The following ELL2 variants were observed in gnomAD, a reference collection of about 807,000 sequenced individuals.
The protein encoded by ELL2 is RNA polymerase II elongation factor ELL2.
A neutral mutation model predicts 72.8 loss-of-function variants in ELL2; 21 were observed. The ratio of observed to expected loss-of-function variants is 0.29; its 90% CI spans 0.20 to 0.42. The LOEUF (loss-of-function observed/expected upper bound fraction) is 0.42. ELL2 is among the 10% of genes least tolerant of loss of function. ELL2 has a pLI of 1.00. For synonymous variants in ELL2, 266 were observed against 283.2 expected (o/e 0.94, Z 0.61); for missense variants, 568 against 772.8 (o/e 0.73, Z 3.14).
chr5:95,928,168 G>T (rs552983317), intron 2 of ELL2, among the ~76,000 whole-genome samples: 1 of 152,074 alleles, frequency 6.6e-6, no homozygotes, highest in African/African-American at 2.4e-5. Flanking sequence ...AAGATATACA[G>T]ACTATGGAGC....
intron 5 of ELL2, among the ~76,000 whole-genome samples, chr5:95,905,876 G>T (rs1202432075): frequency 1.3e-5 from 2 of 151,840 alleles, no homozygotes; most frequent in African/African-American, 2.4e-5. Flanking sequence ...ATGACAGATG[G>T]ACAGAAGGAA....
At chr5:95,906,884 A>T in intron 4 of ELL2, 102 bp from the exon 5 acceptor site, 1 of 1,252,314 alleles carries the variant, frequency 8.0e-7, no homozygotes, top group Non-Finnish European at 1.1e-6. Flanking sequence ...TTTCTAGAGG[A>T]AATAATAATA....
chr5:95,898,209 T>C (rs1304398719), intron 8 of ELL2, 31 bp downstream of exon 8: 1 of 1,518,180 alleles, frequency 6.6e-7, no homozygotes, highest in Non-Finnish European at 8.9e-7. Flanking sequence ...CATGATAGCA[T>C]GCACTTCTGG....
intron 1 of ELL2, among the ~76,000 whole-genome samples, chr5:95,959,580 T>C (rs1035652227): frequency 2.6e-5 from 4 of 152,230 alleles, no homozygotes; most frequent in African/African-American, 9.6e-5. Flanking sequence ...CCACTCCGTC[T>C]GATGCTGGTC....
chr5:95,891,332 C>A lies in ELL2; in HGVS notation c.1590-58G>T, dbSNP rs562773439. The A allele has an allele frequency of 3.3e-6, 5 of 1,521,374 alleles. No individual in the cohort carries two copies. The South Asian group carries it at 5.1e-5, about 15-fold the overall frequency. The allele number at this position is 1,521,374 out of a possible 1,614,324, so 94.2% of individuals were successfully genotyped here. A position where few individuals can be genotyped will look rare whatever the true frequency, so the allele number is the denominator to read the frequency against. On this transcript the variant is annotated intron_variant, in intron 9 of 11. Transcript: ENST00000237853. ...ACCCAATAAACATGATTGCACAAGT[C>A]TGAGATTTAAACCAAATATTTAGAG...
In ELL2 at chr5:95,927,354, T is replaced by C. The variant is rs1026822683; in HGVS notation, c.196-7809A>G. ...GAATGGAATTGTTTCAGTATGTGTA[T>C]GTGTATATATAGACATACACACACA... is the stretch of plus-strand genomic sequence containing the variant. On this transcript the variant is annotated intron_variant, in intron 2 of 11. Coordinates refer to ENST00000237853, the MANE Select transcript of ELL2 (RefSeq NM_012081.6). Among the ~76,000 whole-genome samples, 8 of 142,750 alleles carry C rather than the reference T, an allele frequency of 5.6e-5. 1 individual carries two copies. Among genetic ancestry groups the C allele is most frequent in the Non-Finnish European group, 9.1e-5 (6 of 65,922 alleles). 93.6% of individuals were successfully genotyped at this position (142,750 alleles called of 152,430 possible).
At chr5:95,900,828 T>G (rs949401514) in intron 6 of ELL2, 48 bp from the exon 7 acceptor site, 3 of 1,568,410 alleles carry the variant, frequency 1.9e-6, no homozygotes, top group African/African-American at 1.4e-5. Flanking sequence ...TTTAAAAATG[T>G]TCATGATAGA....
chr5:95,892,459 CA>C (rs1186165657), intron 9 of ELL2, among the ~76,000 whole-genome samples: 1 of 152,158 alleles, frequency 6.6e-6, no homozygotes, highest in Non-Finnish European at 1.5e-5. Context: ...TTACATATTA[CA>C]GTATTACTTA....
chr5:95,892,629 G>T (rs930144730), intron 9 of ELL2, among the ~76,000 whole-genome samples: 1 of 152,084 alleles, frequency 6.6e-6, no homozygotes. Flanking sequence ...ATGCCCCTTG[G>T]GGGTACACAT....
chr5:95,895,166 C>G (rs1748819076), intron 9 of ELL2, among the ~76,000 whole-genome samples: 1 of 152,202 alleles, frequency 6.6e-6, no homozygotes, highest in Non-Finnish European at 1.5e-5. Flanking sequence ...CTCTTATCTC[C>G]TCTAAAAATT....
In ELL2 at chr5:95,915,924, C is replaced by T. The variant is rs115579759; in HGVS notation, c.318-1990G>A. Among the ~76,000 whole-genome samples, 302 of 151,742 alleles carry T rather than the reference C, an allele frequency of 2.0e-3. 1 individual carries two copies. Among genetic ancestry groups the T allele is most frequent in the African/African-American group, 6.8e-3 (282 of 41,330 alleles). On this transcript the variant is annotated intron_variant, in intron 3 of 11. Transcript: ENST00000237853. ...GTTTTGGACCTTATCCAAAGGATAA[C>T]GAGAGGCTGAAATCAGGGGAGAGAA...
intron 2 of ELL2, among the ~76,000 whole-genome samples, chr5:95,921,684 G>C (rs1421450056): frequency 1.3e-5 from 2 of 152,224 alleles, no homozygotes; most frequent in Non-Finnish European, 2.9e-5. Flanking sequence ...AAGGCTACCT[G>C]CATACTGGTA....
intron 9 of ELL2, among the ~76,000 whole-genome samples, chr5:95,895,180 T>TC (rs1748819884): frequency 6.6e-6 from 1 of 152,240 alleles, no homozygotes; most frequent in Non-Finnish European, 1.5e-5. Flanking sequence ...AAAAATTAAT[T>TC]TGAGGGCAGA....
At chr5:95,905,944 A>G (rs1749342427) in intron 5 of ELL2, among the ~76,000 whole-genome samples, 1 of 152,210 alleles carries the variant, frequency 6.6e-6, no homozygotes, top group Non-Finnish European at 1.5e-5. Flanking sequence ...TTAAAAAACA[A>G]TGGCCTACTT....
At chr5:95,950,926 A>G (rs1428591176) in intron 1 of ELL2, among the ~76,000 whole-genome samples, 11 of 120,256 alleles carry the variant, frequency 9.1e-5, no homozygotes, top group African/African-American at 2.9e-4. Context: ...ATATATATAT[A>G]TATATATATA....
intron 8 of ELL2, among the ~76,000 whole-genome samples, chr5:95,897,547 T>C (rs1748919843): frequency 6.6e-6 from 1 of 152,240 alleles, no homozygotes; most frequent in Non-Finnish European, 1.5e-5. Flanking sequence ...TTAAGTTTCT[T>C]TGGATCTCTA....
At chr5:95,933,601 T>C (rs1750674820) in intron 2 of ELL2, among the ~76,000 whole-genome samples, 1 of 152,070 alleles carries the variant, frequency 6.6e-6, no homozygotes, top group East Asian at 1.9e-4. Context: ...AAAACTGTTT[T>C]TCACTATTAG....
intron 5 of ELL2, among the ~76,000 whole-genome samples, chr5:95,905,646 C>T (rs1360683685): frequency 6.6e-6 from 1 of 152,014 alleles, no homozygotes; most frequent in Non-Finnish European, 1.5e-5. Flanking sequence ...ATGGTCTTAC[C>T]CTTTCATAAC....
chr5:95,886,436 C>A lies in ELL2; in HGVS notation c.*2435G>T, dbSNP rs1207465045. 6.6e-6 allele frequency: 1 copy of A among 152,138 alleles called. No individual in the cohort carries two copies. The highest frequency in any genetic ancestry group is 1.5e-5 in the Non-Finnish European group (1 of 68,006). 9.4% of individuals were successfully genotyped at this position (152,138 alleles called of 1,614,324 possible). On this transcript the variant is annotated 3_prime_UTR_variant, in exon 12 of 12. Coordinates refer to ENST00000237853, the MANE Select transcript of ELL2 (RefSeq NM_012081.6). Reference sequence around the variant, plus strand: ...TGATCAGGTCTAAGGGTATGCAATGCTGGATTTCCATTTAGCATCTCCAGC... The same window carrying A: ...TGATCAGGTCTAAGGGTATGCAATGATGGATTTCCATTTAGCATCTCCAGC...
Sources: allele counts gnomAD v4.1 joint callset (sites outside exome capture counted in the v4.1 genomes callset), GRCh38; gene constraint gnomAD v4.1.1; transcripts MANE v1.5; gene names NCBI Gene and HGNC (gene_info 2026-07-23, HGNC 2026-07-21).